SH3D19: variants seen among roughly 807,000 people sequenced by gnomAD.
SH3D19 encodes SH3 domain-containing protein 19.
SH3D19 carries 58 observed loss-of-function variants against 112.1 expected under a neutral mutation model. That is an observed-to-expected ratio of 0.52 (90% CI 0.42 to 0.64). SH3D19 has a LOEUF of 0.64. Ranked by LOEUF, SH3D19 falls within the 30% of genes least tolerant of loss-of-function variation. The pLI is 0.00. For missense variants in SH3D19, 1,090 were observed against 1,263.4 expected (o/e 0.86, Z 2.08); for synonymous variants, 391 against 448.5 (o/e 0.87, Z 1.62).
At chr4:151,279,731 T>C in intron 1 of SH3D19, 1 of 1,477,522 alleles carries the variant, frequency 6.8e-7, no homozygotes, top group East Asian at 2.3e-5. Flanking sequence ...GGAATGATGA[T>C]AAGGTGGGGA....
chr4:151,127,311 C>T (rs1017049257), intron 19 of SH3D19, among the ~76,000 whole-genome samples: 3 of 152,134 alleles, frequency 2.0e-5, no homozygotes, highest in African/African-American at 4.8e-5. Flanking sequence ...ACCAGGGCTA[C>T]TAATAAAAAC....
At chr4:151,277,062 A>G (rs1296190871) in intron 1 of SH3D19, 2 of 741,098 alleles carry the variant, frequency 2.7e-6, no homozygotes, top group Non-Finnish European at 3.8e-6. Flanking sequence ...GAGGGGGTGA[A>G]GCAGAGGAAT....
At chr4:151,234,315 T>C (rs887789752) in intron 1 of SH3D19, among the ~76,000 whole-genome samples, 1 of 152,222 alleles carries the variant, frequency 6.6e-6, no homozygotes, top group Non-Finnish European at 1.5e-5. Flanking sequence ...ATCAGGCTTT[T>C]AATGATTTGG....
rs2150003620 is a variant in SH3D19 at position 151,277,578 on chromosome 4, C to CCT, written c.112+47661_112+47662dup. On this transcript the variant is annotated intron_variant, in intron 1 of 19. Coordinates refer to ENST00000604030, the MANE Select transcript of SH3D19 (RefSeq NM_001378122.1). ...TCTTTAGAAGGGTAGTTAAAGAAGG[C>CCT]CTCACTAAGAAGGAGTCATTTGAGC... is the stretch of plus-strand genomic sequence containing the variant. 2.0e-5 allele frequency among the ~76,000 whole-genome samples: 3 copies of CCT among 152,144 alleles called. No individual in the cohort carries two copies. In the South Asian group the frequency reaches 6.2e-4, roughly 32 times the overall value.
At chr4:151,210,165 T>C (rs559103096) in intron 2 of SH3D19, among the ~76,000 whole-genome samples, 3 of 152,320 alleles carry the variant, frequency 2.0e-5, no homozygotes, top group Admixed American at 6.5e-5. Context: ...TTTTGTTCCA[T>C]TAATTCTACT....
intron 2 of SH3D19, among the ~76,000 whole-genome samples, chr4:151,191,340 G>C (rs898744324): frequency 9.2e-5 from 14 of 152,154 alleles, no homozygotes; most frequent in African/African-American, 3.4e-4. Context: ...AGGCATGATT[G>C]GTTTTAAAAT....
intron 1 of SH3D19, among the ~76,000 whole-genome samples, chr4:151,299,997 T>C (rs1203140885): frequency 4.0e-5 from 6 of 151,872 alleles, no homozygotes; most frequent in Non-Finnish European, 8.8e-5. Flanking sequence ...AGGTCGGGAG[T>C]TCGAGACCAG....
intron 2 of SH3D19, among the ~76,000 whole-genome samples, chr4:151,201,783 G>A (rs1764422114): frequency 6.6e-6 from 1 of 152,144 alleles, no homozygotes; most frequent in Non-Finnish European, 1.5e-5. Context: ...GGCCGAGGCG[G>A]GTGGATCACC....
At chr4:151,281,044 A>T (rs1336305676) in intron 1 of SH3D19, among the ~76,000 whole-genome samples, 1 of 152,204 alleles carries the variant, frequency 6.6e-6, no homozygotes, top group Non-Finnish European at 1.5e-5. Flanking sequence ...CAGGATCCAG[A>T]CAAAAGGGGA....
intron 2 of SH3D19, among the ~76,000 whole-genome samples, chr4:151,194,274 AC>A (rs1763082403): frequency 1.3e-5 from 2 of 151,534 alleles, no homozygotes; most frequent in Admixed American, 6.6e-5. Context: ...TGATCCACCC[AC>A]CACGGCCTCC....
At position 151,175,251 on chromosome 4, in the gene SH3D19, G is replaced by C; in HGVS notation, c.953C>G (p.Thr318Ser). 1.2e-6 allele frequency: 2 copies of C among 1,614,202 alleles called. No individual in the cohort carries two copies. Among genetic ancestry groups the C allele is most frequent in the Non-Finnish European group, 1.7e-6 (2 of 1,180,020 alleles). ...TSGLPKKPEI[T>S]PRSLPPKPTV... is the part of the protein sequence containing the mutation. ...AGGCTTTGGAGGAAGTGAACGTGGA[G>C]TAATTTCTGGTTTCTTGGGCAGTCC... is the stretch of plus-strand genomic sequence containing the variant. Residue 318 changes from threonine to serine, a missense_variant, in exon 7 of 20, where the codon ACT (threonine) becomes AGT (serine). Transcript: ENST00000604030.
intron 2 of SH3D19, among the ~76,000 whole-genome samples, chr4:151,213,361 G>A (rs1318359359): frequency 1.3e-5 from 2 of 152,134 alleles, no homozygotes. Flanking sequence ...TTAAGATATT[G>A]GGACCAGGAG....
rs756619827 is a variant in SH3D19 at position 151,128,272 on chromosome 4, C to G, written c.2827G>C (p.Asp943His). ...AGACGTTCCAGAATCTGGATCCGGT[C>G]TCCCCTCTTGAATGATAAGTCATCA... ...TSDDLSFKRG[D>H]RIQILERLDS... is the part of the protein sequence containing the mutation. Residue 943 changes from aspartate (D) to histidine (H), a missense_variant, in exon 18 of 20, where the codon GAC becomes CAC. By Grantham distance (81) the Asp-to-His change is moderately conservative. Coordinates refer to ENST00000604030, the MANE Select transcript of SH3D19 (RefSeq NM_001378122.1). The G allele has an allele frequency of 1.2e-6, 2 of 1,614,014 alleles. No homozygotes were observed. Among genetic ancestry groups the G allele is most frequent in the East Asian group, 4.5e-5 (2 of 44,884 alleles).
intron 1 of SH3D19, among the ~76,000 whole-genome samples, chr4:151,230,228 G>T (rs1344124039): frequency 6.6e-6 from 1 of 152,214 alleles, no homozygotes; most frequent in Admixed American, 6.5e-5. Flanking sequence ...GGCACAGACA[G>T]TTTTTGGGTA....
intron 1 of SH3D19, among the ~76,000 whole-genome samples, chr4:151,315,828 A>G (rs1729928440): frequency 1.3e-5 from 2 of 152,108 alleles, no homozygotes; most frequent in South Asian, 4.2e-4. Flanking sequence ...ATTTCTAAAA[A>G]AGTATGTAGA....
intron 1 of SH3D19, among the ~76,000 whole-genome samples, chr4:151,227,383 A>AGACT (rs781348009): frequency 2.0e-5 from 3 of 152,262 alleles, no homozygotes; most frequent in Non-Finnish European, 4.4e-5. Flanking sequence ...GTTCTCTGAA[A>AGACT]GACTAATAAG....
intron 11 of SH3D19, among the ~76,000 whole-genome samples, chr4:151,147,312 A>T (rs1482435541): frequency 6.6e-6 from 1 of 152,184 alleles, no homozygotes; most frequent in Non-Finnish European, 1.5e-5. Flanking sequence ...TATCTGTCAG[A>T]GTTACTCCCA....
chr4:151,304,152 T>C (rs938360200), intron 1 of SH3D19, among the ~76,000 whole-genome samples: 5 of 152,116 alleles, frequency 3.3e-5, no homozygotes, highest in African/African-American at 1.2e-4. Context: ...CTTTAAGCCA[T>C]ATTTGACATA....
intron 7 of SH3D19, among the ~76,000 whole-genome samples, chr4:151,168,402 T>TC (rs10657828): frequency 0.013 from 319 of 24,036 alleles, 2 homozygotes; most frequent in Middle Eastern, 0.14. Flanking sequence ...AGCATTTCTT[T>TC]TTTTTTTTTT....
Sources: allele counts gnomAD v4.1 joint callset (sites outside exome capture counted in the v4.1 genomes callset), GRCh38; gene constraint gnomAD v4.1.1; transcripts MANE v1.5; gene names NCBI Gene and HGNC (gene_info 2026-07-23, HGNC 2026-07-21).